CLIC6: variants seen among roughly 807,000 people sequenced by gnomAD.
CLIC6 encodes the protein CLIC family member 6.
CLIC6 carries 39 observed loss-of-function variants against 49.2 expected under a neutral mutation model. The observed-to-expected ratio is 0.79, with a 90% CI of 0.61 to 1.04. The LOEUF (loss-of-function observed/expected upper bound fraction) is 1.04. CLIC6 is among the 50% of genes least tolerant of loss of function. The pLI, the probability that CLIC6 is intolerant of heterozygous loss-of-function variation, is 0.00. For synonymous variants in CLIC6, 446 were observed against 433.4 expected (o/e 1.03, Z -0.36); for missense variants, 988 against 993.1 (o/e 0.99, Z 0.07).
At chr21:34,704,103 G>C (rs898140750) in intron 1 of CLIC6, among the ~76,000 whole-genome samples, 1 of 152,150 alleles carries the variant, frequency 6.6e-6, no homozygotes, top group African/African-American at 2.4e-5. Context: ...TCAGCACTGG[G>C]GGAAAATGAA....
At chr21:34,694,099 A>G (rs1990048532) in intron 1 of CLIC6, among the ~76,000 whole-genome samples, 1 of 147,542 alleles carries the variant, frequency 6.8e-6, no homozygotes, top group Non-Finnish European at 1.5e-5. Context: ...CAGCCTCCCA[A>G]GTAGCTGGGG....
In CLIC6 at chr21:34,669,974, G is replaced by T. The variant is rs1349125276; in HGVS notation, c.586G>T (p.Ala196Ser). The change falls in exon 1 of 6, where the codon GCG (alanine) becomes TCG (serine). Residue 196 changes from alanine (A) to serine (S), a missense_variant. Transcript: ENST00000349499. ...VGDSVDAEGP[A>S]GDSVDAEGPL... ...GGACAGCGTAGACGCGGAAGGTCCG[G>T]CGGGGGACAGCGTAGACGCGGAGGG... 1 of 1,384,420 alleles carries T rather than the reference G, an allele frequency of 7.2e-7. No individual in the cohort carries two copies. Among genetic ancestry groups the T allele is most frequent in the Non-Finnish European group, 9.3e-7 (1 of 1,077,742 alleles). The allele number at this position is 1,384,420 out of a possible 1,614,324, so 85.8% of individuals were successfully genotyped here. A position where few individuals can be genotyped will look rare whatever the true frequency, so the allele number is the denominator to read the frequency against.
chr21:34,707,835 CAG>C, intron 2 of CLIC6, 107 bp from the exon 3 acceptor site: 1 of 1,123,172 alleles, frequency 8.9e-7, no homozygotes, highest in Non-Finnish European at 1.3e-6. Flanking sequence ...ATCTACTTTG[CAG>C]TTCTCAAGAG....
intron 1 of CLIC6, among the ~76,000 whole-genome samples, chr21:34,679,334 G>A (rs938141580): frequency 1.3e-5 from 2 of 152,146 alleles, no homozygotes; most frequent in African/African-American, 2.4e-5. Context: ...AGAACAGCAT[G>A]GGGGAAACTT....
At position 34,685,358 on chromosome 21, in the gene CLIC6, G is replaced by A. The variant is rs542319163; in HGVS notation, c.1374+14596G>A. The stretch of plus-strand genomic sequence containing the variant: ...GGCCATATGGCCTGTCCAAGACGTC[G>A]GCACATCACAGCCATCATCTGCTTT... On this transcript the variant is annotated intron_variant, in intron 1 of 5. Coordinates refer to ENST00000349499, the MANE Select transcript of CLIC6 (RefSeq NM_053277.3). 1.6e-3 allele frequency among the ~76,000 whole-genome samples: 250 copies of A among 152,258 alleles called. 1 individual carries two copies. The highest frequency in any genetic ancestry group is 5.5e-3 in the African/African-American group (227 of 41,530).
chr21:34,715,390 AAG>A (rs2056080333), intron 5 of CLIC6, among the ~76,000 whole-genome samples: 2 of 152,212 alleles, frequency 1.3e-5, no homozygotes, highest in Non-Finnish European at 2.9e-5. Context: ...GAAATTTGGA[AAG>A]AGAGACACAG....
At chr21:34,714,694 A>AC (rs906279653) in intron 5 of CLIC6, among the ~76,000 whole-genome samples, 6 of 116,740 alleles carry the variant, frequency 5.1e-5, no homozygotes, top group African/African-American at 1.5e-4. Context: ...CAAAAAAACA[A>AC]AAAAAAAAAA....
At chr21:34,684,177 G>A (rs1989833246) in intron 1 of CLIC6, among the ~76,000 whole-genome samples, 1 of 151,848 alleles carries the variant, frequency 6.6e-6, no homozygotes, top group Non-Finnish European at 1.5e-5. Flanking sequence ...CTGCCAAGTA[G>A]CAGACATTGT....
At chr21:34,673,696 GAAACAA>G (rs1267276795) in intron 1 of CLIC6, among the ~76,000 whole-genome samples, 2 of 151,796 alleles carry the variant, frequency 1.3e-5, no homozygotes, top group Non-Finnish European at 2.9e-5. Context: ...AAAACAAAAT[GAAACAA>G]AAACAAAAAA....
chr21:34,698,859 C>A (rs1406829357), intron 1 of CLIC6, among the ~76,000 whole-genome samples: 1 of 152,060 alleles, frequency 6.6e-6, no homozygotes, highest in Non-Finnish European at 1.5e-5. Context: ...GGAATTCCAG[C>A]CAGAGAGACC....
chr21:34,718,121 A>C lies in CLIC6; in HGVS notation c.*1639A>C, dbSNP rs891194338. On this transcript the variant is annotated 3_prime_UTR_variant, in exon 6 of 6. Coordinates refer to ENST00000349499, the MANE Select transcript of CLIC6 (RefSeq NM_053277.3). ...AAGCATGATAAATGATTAGACTACC[A>C]GATGTTACTAGTGCTAACTTTGTAT... 1 of 152,680 alleles carries C rather than the reference A, an allele frequency of 6.5e-6. No individual in the cohort carries two copies. The highest frequency in any genetic ancestry group is 1.5e-5 in the Non-Finnish European group (1 of 68,046). The allele number at this position is 152,680 out of a possible 1,614,324, so 9.5% of individuals were successfully genotyped here.
At chr21:34,702,031 C>T (rs563948039) in intron 1 of CLIC6, among the ~76,000 whole-genome samples, 38 of 152,174 alleles carry the variant, frequency 2.5e-4, no homozygotes, top group Non-Finnish European at 4.0e-4. Flanking sequence ...GACTTTGGCC[C>T]AGGAAAGAAT....
intron 4 of CLIC6, 152 bp from the exon 5 acceptor site, chr21:34,709,205 T>A: frequency 1.6e-6 from 1 of 633,926 alleles, no homozygotes; most frequent in South Asian, 2.0e-5. Flanking sequence ...AGCCCTTTAT[T>A]CAGATATTCT....
intron 1 of CLIC6, among the ~76,000 whole-genome samples, chr21:34,706,985 G>C (rs1197025417): frequency 6.6e-6 from 1 of 152,204 alleles, no homozygotes; most frequent in Non-Finnish European, 1.5e-5. Context: ...CCATCAGTGA[G>C]CTGCTGCTCA....
chr21:34,704,601 C>T lies in CLIC6; in HGVS notation c.1375-2679C>T, dbSNP rs533500624. On this transcript the variant is annotated intron_variant, in intron 1 of 5. Coordinates refer to ENST00000349499, the MANE Select transcript of CLIC6 (RefSeq NM_053277.3). ...TTTCTTCCGTGTCTTAAGCTGTGGCCGAACAGATATTGTCCCATCCTGTTT... is the reference window on the plus strand; with the variant it reads ...TTTCTTCCGTGTCTTAAGCTGTGGCTGAACAGATATTGTCCCATCCTGTTT... 1.1e-4 allele frequency among the ~76,000 whole-genome samples: 16 copies of T among 152,252 alleles called. No homozygotes were observed. The South Asian group carries it at 1.9e-3, about 18-fold the overall frequency.
intron 1 of CLIC6, among the ~76,000 whole-genome samples, chr21:34,688,553 G>T (rs1345669427): frequency 6.6e-6 from 1 of 152,200 alleles, no homozygotes; most frequent in Admixed American, 6.5e-5. Flanking sequence ...ATGGCTTGAC[G>T]CCTGCTCCAC....
At chr21:34,686,755 G>A (rs1004942786) in intron 1 of CLIC6, among the ~76,000 whole-genome samples, 1 of 152,148 alleles carries the variant, frequency 6.6e-6, no homozygotes, top group Non-Finnish European at 1.5e-5. Flanking sequence ...AAGATGATGG[G>A]CATGTGTGTG....
intron 1 of CLIC6, among the ~76,000 whole-genome samples, chr21:34,680,366 C>T (rs971374808): frequency 6.6e-6 from 1 of 152,196 alleles, no homozygotes. Flanking sequence ...CCCATGAAAC[C>T]ATTTTTCCCT....
chr21:34,699,949 A>G (rs968910425), intron 1 of CLIC6, among the ~76,000 whole-genome samples: 2 of 152,124 alleles, frequency 1.3e-5, no homozygotes, highest in African/African-American at 4.8e-5. Context: ...TGATGTTTAC[A>G]TAGGGCAGGA....
Sources: allele counts gnomAD v4.1 joint callset (sites outside exome capture counted in the v4.1 genomes callset), GRCh38; gene constraint gnomAD v4.1.1; transcripts MANE v1.5; gene names NCBI Gene and HGNC (gene_info 2026-07-23, HGNC 2026-07-21).